The following TIGAR variants were observed in gnomAD, a reference collection of about 807,000 sequenced individuals.
TIGAR encodes fructose-2,6-bisphosphatase TIGAR.
A neutral mutation model predicts 17.9 loss-of-function variants in TIGAR; 7 were observed. That is an observed-to-expected ratio of 0.39 (90% confidence interval 0.22 to 0.73). TIGAR has a LOEUF of 0.73. TIGAR is among the 30% of genes least tolerant of loss of function. The pLI, the probability that TIGAR is intolerant of heterozygous loss-of-function variation, is 0.42. For missense variants in TIGAR, 258 were observed against 327.4 expected, an observed-to-expected ratio of 0.79 and a Z score of 1.64; for synonymous variants, 94 against 108.6, an observed-to-expected ratio of 0.87 and a Z score of 0.84.
chr12:4,350,092 G>A (rs1037530381), intron 4 of TIGAR, among the ~76,000 whole-genome samples, 196 bp downstream of exon 4: 1 of 152,132 alleles, frequency 6.6e-6, no homozygotes. Context: ...AACGAGACAA[G>A]CATCTTAAGG....
At chr12:4,349,755 T>A in intron 3 of TIGAR, 64 bp from the exon 4 acceptor site, 1 of 1,325,616 alleles carries the variant, frequency 7.5e-7, no homozygotes, top group South Asian at 1.3e-5. Context: ...ATAGATTCTT[T>A]CAGTGCTTCC....
chr12:4,350,497 C>T (rs1864826848), intron 4 of TIGAR, among the ~76,000 whole-genome samples: 1 of 152,176 alleles, frequency 6.6e-6, no homozygotes, highest in African/African-American at 2.4e-5. Context: ...TGCCATGTGG[C>T]TGGCGTGGTG....
intron 1 of TIGAR, among the ~76,000 whole-genome samples, chr12:4,323,267 C>G (rs1864501674): frequency 6.6e-6 from 1 of 151,792 alleles, no homozygotes; most frequent in Admixed American, 6.6e-5. Flanking sequence ...ACAGTGGGAC[C>G]CTGTCTCAAA....
intron 3 of TIGAR, among the ~76,000 whole-genome samples, chr12:4,342,466 A>T (rs1190376927): frequency 6.6e-6 from 1 of 152,222 alleles, no homozygotes; most frequent in Non-Finnish European, 1.5e-5. Context: ...GAAGGAAAAA[A>T]TGTTAAGGGC....
chr12:4,359,094 A>G lies in TIGAR; in HGVS notation c.*6403A>G, dbSNP rs1864945860. On this transcript the variant is annotated 3_prime_UTR_variant, in exon 6 of 6. Coordinates refer to ENST00000179259, the MANE Select transcript of TIGAR (RefSeq NM_020375.3). ...ACTACTCTTTTAGCCTTTATTGTTT[A>G]TTTTCTGACTCTGTTTTTTTTTTCT... Among the ~76,000 whole-genome samples the G allele has an allele frequency of 9.4e-6, 1 of 106,344 alleles. No individual in the cohort carries two copies. The highest frequency in any genetic ancestry group is 3.6e-5 in the African/African-American group (1 of 27,466). 69.8% of individuals were successfully genotyped at this position (106,344 alleles called of 152,430 possible). A position where few individuals can be genotyped will look rare whatever the true frequency, so the allele number is the denominator to read the frequency against.
rs1864920416 is a variant in TIGAR at position 4,357,689 on chromosome 12, A to G, written c.*4998A>G. On this transcript the variant is annotated 3_prime_UTR_variant, in exon 6 of 6. Coordinates refer to ENST00000179259, the MANE Select transcript of TIGAR (RefSeq NM_020375.3). ...ATCACTTGGTTCATTGTTCAGCAATATGGCCTAAGGGGGTGATTTCTTCAT... is the reference window on the plus strand; with the variant it reads ...ATCACTTGGTTCATTGTTCAGCAATGTGGCCTAAGGGGGTGATTTCTTCAT... 6.6e-6 allele frequency among the ~76,000 whole-genome samples: 1 copy of G among 152,162 alleles called. No homozygotes were observed. The highest frequency in any genetic ancestry group is 2.4e-5 in the African/African-American group (1 of 41,442).
At chr12:4,328,199 CT>C (rs574827570) in intron 1 of TIGAR, among the ~76,000 whole-genome samples, 1 of 151,420 alleles carries the variant, frequency 6.6e-6, no homozygotes, top group Non-Finnish European at 1.5e-5. Context: ...TGTAGGAAAT[CT>C]TTTTTTTTGA....
rs1037916013 is a variant in TIGAR at position 4,356,555 on chromosome 12, A to G, written c.*3864A>G. ...CCACCAGACCAGTGCATCTGTTACC[A>G]TCGGTGAGCCCACATTACACTGACA... On this transcript the variant is annotated 3_prime_UTR_variant, in exon 6 of 6. Coordinates refer to ENST00000179259, the MANE Select transcript of TIGAR (RefSeq NM_020375.3). Among the ~76,000 whole-genome samples, 1 of 152,044 alleles carries G rather than the reference A, an allele frequency of 6.6e-6. No homozygotes were observed. Among genetic ancestry groups the G allele is most frequent in the Non-Finnish European group, 1.5e-5 (1 of 67,980 alleles).
At chr12:4,324,379 A>T in intron 1 of TIGAR, 3 of 996,052 alleles carry the variant, frequency 3.0e-6, no homozygotes, top group Non-Finnish European at 4.8e-6. Flanking sequence ...CCACTACTTG[A>T]GGGGGATGAA....
intron 1 of TIGAR, among the ~76,000 whole-genome samples, chr12:4,327,408 C>G (rs1239208083): frequency 3.7e-5 from 5 of 134,420 alleles, no homozygotes; most frequent in Non-Finnish European, 7.9e-5. Flanking sequence ...GACCCCATCT[C>G]AGAAAAAAAA....
intron 2 of TIGAR, among the ~76,000 whole-genome samples, chr12:4,336,033 AT>A (rs1864654517): frequency 6.6e-6 from 1 of 152,008 alleles, no homozygotes; most frequent in African/African-American, 2.4e-5. Context: ...TAAATTCCCT[AT>A]TTGCTGATTT....
chr12:4,331,367 A>T (rs549860409), intron 2 of TIGAR, 50 bp downstream of exon 2: 1 of 1,569,296 alleles, frequency 6.4e-7, no homozygotes, highest in Non-Finnish European at 8.8e-7. Flanking sequence ...TGTTAATAAG[A>T]TGTGTGAGTT....
intron 4 of TIGAR, among the ~76,000 whole-genome samples, chr12:4,350,454 CTG>C (rs1182146711): frequency 1.3e-5 from 2 of 152,082 alleles, no homozygotes; most frequent in East Asian, 3.9e-4. Context: ...TTATTAGACT[CTG>C]TGATTTTCCA....
At chr12:4,349,936 A>G (rs779162488) in intron 4 of TIGAR, 40 bp downstream of exon 4, 1 of 1,388,848 alleles carries the variant, frequency 7.2e-7, no homozygotes, top group South Asian at 1.4e-5. Context: ...CCCATAAATT[A>G]TCAGTAAGCC....
chr12:4,348,700 AC>A (rs1864806810), intron 3 of TIGAR, among the ~76,000 whole-genome samples: 1 of 152,236 alleles, frequency 6.6e-6, no homozygotes, highest in East Asian at 1.9e-4. Flanking sequence ...GGAAATATTG[AC>A]AGTACATATA....
chr12:4,324,551 G>C, intron 1 of TIGAR: 1 of 1,607,798 alleles, frequency 6.2e-7, no homozygotes, highest in Non-Finnish European at 8.5e-7. Flanking sequence ...ACCATCTTGG[G>C]CAGGATGATC....
intron 1 of TIGAR, among the ~76,000 whole-genome samples, chr12:4,330,158 A>AT (rs199752254): frequency 5.5e-4 from 84 of 151,824 alleles, no homozygotes; most frequent in African/African-American, 2.0e-3. Context: ...GGTCTGGTAG[A>AT]TTTTTTTTTC....
At chr12:4,335,126 C>T (rs1864644237) in intron 2 of TIGAR, among the ~76,000 whole-genome samples, 2 of 152,114 alleles carry the variant, frequency 1.3e-5, no homozygotes, top group Admixed American at 6.6e-5. Context: ...CAACCTCCGC[C>T]TCCTGGGCTC....
chr12:4,342,280 A>G (rs10849044), intron 3 of TIGAR, among the ~76,000 whole-genome samples: 37,354 of 152,076 alleles, frequency 0.25, 4,754 homozygotes, highest in African/African-American at 0.32. Flanking sequence ...TGAAAGTGAC[A>G]GGGAGAATGG....
Sources: allele counts gnomAD v4.1 joint callset (sites outside exome capture counted in the v4.1 genomes callset), GRCh38; gene constraint gnomAD v4.1.1; transcripts MANE v1.5; gene names NCBI Gene and HGNC (gene_info 2026-07-23, HGNC 2026-07-21).